Variants in TENM3 observed in about 807,000 individuals in gnomAD.
TENM3 encodes teneurin transmembrane protein 3, also known as teneurin-3.
In TENM3, 63 loss-of-function variants were observed where a neutral mutation model predicts 255.1. The ratio of observed to expected loss-of-function variants is 0.25; its 90% CI spans 0.20 to 0.30. The LOEUF is 0.30. Ranked by LOEUF, TENM3 falls within the 10% of genes least tolerant of loss-of-function variation. TENM3 has a pLI of 1.00. For synonymous variants in TENM3, 1,306 were observed against 1,322.3 expected (o/e 0.99, Z 0.27); for missense variants, 2,929 against 3,461.1 (o/e 0.85, Z 3.86).
chr4:182,121,091 C>T, the TENM3 span, among the ~76,000 whole-genome samples: 6 of 152,200 alleles, frequency 3.9e-5, no homozygotes, highest in East Asian at 1.9e-4. Flanking sequence ...CTCCGCCCTC[C>T]GGGTTCAAGT....
In TENM3 at chr4:182,799,625, G is replaced by A. The variant is rs1284606102; in HGVS notation, c.7374G>A (p.Ala2458=). 9.7e-6 allele frequency: 15 copies of A among 1,544,010 alleles called. No homozygotes were observed. The highest frequency in any genetic ancestry group is 1.7e-4 in the Middle Eastern group (1 of 5,972). The change falls in exon 28 of 28, where the codon GCG becomes GCA. Residue 2458 remains alanine, a synonymous_variant. Coordinates refer to ENST00000511685, the MANE Select transcript of TENM3 (RefSeq NM_001080477.4). The surrounding 1 kb of genome is among the most constrained non-coding windows in gnomAD (Gnocchi z 4.2). ...TCTTCGGAGTCCAGCAGCAAGTGGC[G>A]CGGCAGGCCAAGGCCTTCCTGTCGC... The part of the protein sequence containing the change: ...PPIFGVQQQV[A]RQAKAFLSLG...
the TENM3 span, among the ~76,000 whole-genome samples, chr4:181,461,531 T>C: frequency 2.0e-5 from 3 of 152,170 alleles, no homozygotes; most frequent in East Asian, 5.8e-4. Context: ...CTACACGTCA[T>C]TGATGCTCTG....
chr4:181,799,053 T>C, the TENM3 span, among the ~76,000 whole-genome samples: 2 of 152,298 alleles, frequency 1.3e-5, no homozygotes, highest in South Asian at 2.1e-4. Context: ...GGAAAAATAA[T>C]GTATACATTG....
intron 3 of TENM3, among the ~76,000 whole-genome samples, chr4:182,584,322 C>T (rs1266053058): frequency 6.6e-6 from 1 of 152,188 alleles, no homozygotes; most frequent in Non-Finnish European, 1.5e-5. Context: ...AGACATCTAT[C>T]TTAATCAGAT....
At chr4:182,660,603 C>T (rs1754147962) in intron 6 of TENM3, among the ~76,000 whole-genome samples, 1 of 152,218 alleles carries the variant, frequency 6.6e-6, no homozygotes, top group African/African-American at 2.4e-5. Flanking sequence ...TAAGAAGACA[C>T]TTCTGCAAAT....
At chr4:182,170,700 T>C (rs1465812383) in intron 1 of TENM3, among the ~76,000 whole-genome samples, 1 of 152,038 alleles carries the variant, frequency 6.6e-6, no homozygotes, top group Non-Finnish European at 1.5e-5. Flanking sequence ...TTGATCTTTT[T>C]CCAAGTAAAA....
chr4:182,592,586 G>A (rs1216582335), intron 3 of TENM3, among the ~76,000 whole-genome samples: 8 of 152,172 alleles, frequency 5.3e-5, no homozygotes, highest in African/African-American at 1.7e-4. Flanking sequence ...TTCACTGGGC[G>A]TGTTGGCGCA....
At chr4:182,115,847 A>C in the TENM3 span, among the ~76,000 whole-genome samples, 2 of 151,368 alleles carry the variant, frequency 1.3e-5, no homozygotes, top group African/African-American at 4.9e-5. Flanking sequence ...AGGCCCAGAA[A>C]AATAAAAGAT....
At chr4:182,203,145 A>G (rs550243113) in intron 1 of TENM3, among the ~76,000 whole-genome samples, 2 of 151,842 alleles carry the variant, frequency 1.3e-5, no homozygotes, top group Non-Finnish European at 2.9e-5. Flanking sequence ...TGAACCAGGG[A>G]GGTGGAGGTT....
chr4:182,178,207 A>G (rs1192395739), intron 1 of TENM3, among the ~76,000 whole-genome samples: 1 of 152,074 alleles, frequency 6.6e-6, no homozygotes, highest in African/African-American at 2.4e-5. Flanking sequence ...AATAACACCA[A>G]ATGTCTTCAG....
chr4:181,971,809 T>C, the TENM3 span, among the ~76,000 whole-genome samples: 1 of 151,844 alleles, frequency 6.6e-6, no homozygotes, highest in Non-Finnish European at 1.5e-5. Context: ...ACTCAAGCGA[T>C]CCTCCTGCCT....
chr4:182,351,643 C>A (rs1335322386), intron 3 of TENM3, among the ~76,000 whole-genome samples: 1 of 152,212 alleles, frequency 6.6e-6, no homozygotes, highest in Admixed American at 6.5e-5. Flanking sequence ...GGCAGGCCAG[C>A]AGGCGTTGGC....
chr4:181,613,004 A>C, the TENM3 span, among the ~76,000 whole-genome samples: 8,535 of 152,272 alleles, frequency 0.056, 331 homozygotes, highest in East Asian at 0.14. Flanking sequence ...CTACATGGCA[A>C]CTTTTAAAAG....
intron 25 of TENM3, among the ~76,000 whole-genome samples, chr4:182,790,283 A>G (rs1213323797): frequency 6.6e-6 from 1 of 152,130 alleles, no homozygotes; most frequent in East Asian, 1.9e-4. Context: ...ACTACTCGGC[A>G]GTTACTGTTC....
At chr4:182,346,610 C>T (rs752000344) in intron 2 of TENM3, 41 bp from the exon 3 acceptor site, 3 of 1,501,486 alleles carry the variant, frequency 2.0e-6, no homozygotes, top group Non-Finnish European at 2.8e-6. Flanking sequence ...TAACACTGAA[C>T]ATATACTCAC....
At chr4:181,826,335 A>G in the TENM3 span, among the ~76,000 whole-genome samples, 3 of 152,362 alleles carry the variant, frequency 2.0e-5, no homozygotes, top group East Asian at 5.8e-4. Flanking sequence ...TGGTAGCACT[A>G]TCAATGATAA....
chr4:182,194,970 G>C (rs1006045306), intron 1 of TENM3, among the ~76,000 whole-genome samples: 1 of 151,268 alleles, frequency 6.6e-6, no homozygotes, highest in Non-Finnish European at 1.5e-5. Context: ...GGTCACTTCA[G>C]ACTGTAATTA....
At chr4:181,485,676 T>C in the TENM3 span, among the ~76,000 whole-genome samples, 3 of 152,156 alleles carry the variant, frequency 2.0e-5, no homozygotes, top group Non-Finnish European at 4.4e-5. Context: ...AATTGGCACA[T>C]AGAAATAAAG....
intron 1 of TENM3, among the ~76,000 whole-genome samples, chr4:182,282,612 G>A (rs1760458010): frequency 6.6e-6 from 1 of 152,060 alleles, no homozygotes; most frequent in Admixed American, 6.6e-5. Context: ...GGTTAAATGG[G>A]CCGGGCACAG....
Sources: gnomAD v4.1 joint callset for allele counts (sites outside exome capture counted in the v4.1 genomes callset) on GRCh38, gnomAD v4.1.1 for gene constraint, Gnocchi (gnomAD v3.1) non-coding constraint, MANE v1.5 for transcripts, NCBI Gene and HGNC (gene_info 2026-07-23, HGNC 2026-07-21) for gene names.